Variants in ATP11B observed in about 807,000 individuals in gnomAD.
The protein encoded by ATP11B is phospholipid-transporting ATPase IF.
A neutral mutation model predicts 157.8 loss-of-function variants in ATP11B; 81 were observed. The ratio of observed to expected loss-of-function variants is 0.51; its 90% CI spans 0.43 to 0.62. The LOEUF (loss-of-function observed/expected upper bound fraction) is 0.62. Ranked by LOEUF, ATP11B falls within the 20% of genes least tolerant of loss-of-function variation. The probability of loss-of-function intolerance (pLI) is 0.00; values close to 1 mark genes in which losing one functional copy is unlikely to be tolerated. For missense variants in ATP11B, 1,165 were observed against 1,402.2 expected, an observed-to-expected ratio of 0.83 and a Z score of 2.70; for synonymous variants, 451 against 469.4, an observed-to-expected ratio of 0.96 and a Z score of 0.51.
At chr3:182,883,681 C>A (rs553903583) in intron 21 of ATP11B, among the ~76,000 whole-genome samples, 2 of 150,558 alleles carry the variant, frequency 1.3e-5, no homozygotes, top group South Asian at 4.3e-4. Flanking sequence ...CTAGGCCGGG[C>A]GCGGTGGCTC....
intron 25 of ATP11B, among the ~76,000 whole-genome samples, chr3:182,890,508 A>T (rs902397981): frequency 5.3e-5 from 8 of 152,220 alleles, no homozygotes; most frequent in African/African-American, 1.9e-4. Flanking sequence ...AAGTAAACTA[A>T]TAACAAAATA....
rs74420464 is a variant in ATP11B, at chr3:182,911,961, G to T, written c.3319-1900G>T. Among the ~76,000 whole-genome samples the T allele has an allele frequency of 4.1e-3, 626 of 152,256 alleles. 7 individuals carry two copies. Among genetic ancestry groups the T allele is most frequent in the African/African-American group, 0.015 (603 of 41,536 alleles). On this transcript the variant is annotated intron_variant, in intron 28 of 29. Transcript: ENST00000323116. ...GCAGGCCCCGACACGTTGCCCACAGGCAGGGAACATTGGTTGGCTGGAGTG... is the reference window on the plus strand; with the variant it reads ...GCAGGCCCCGACACGTTGCCCACAGTCAGGGAACATTGGTTGGCTGGAGTG...
chr3:182,827,173 T>C (rs1478705378), intron 2 of ATP11B, among the ~76,000 whole-genome samples: 1 of 152,146 alleles, frequency 6.6e-6, no homozygotes, highest in African/African-American at 2.4e-5. Context: ...ATTCTATAAA[T>C]CAATTTCCCT....
intron 20 of ATP11B, among the ~76,000 whole-genome samples, chr3:182,880,134 G>C (rs1353722058): frequency 6.6e-6 from 1 of 152,154 alleles, no homozygotes; most frequent in Non-Finnish European, 1.5e-5. Context: ...TTAAATTTCA[G>C]CTACCTATGT....
intron 1 of ATP11B, among the ~76,000 whole-genome samples, chr3:182,809,405 C>A (rs1175032057): frequency 1.3e-5 from 2 of 152,080 alleles, no homozygotes; most frequent in Admixed American, 1.3e-4. Flanking sequence ...TGCTCCACCA[C>A]GCCTGGCTAA....
intron 10 of ATP11B, among the ~76,000 whole-genome samples, chr3:182,855,738 AT>A (rs1395943386): frequency 6.6e-6 from 1 of 152,202 alleles, no homozygotes; most frequent in Non-Finnish European, 1.5e-5. Context: ...CACCACATGC[AT>A]AATACATATT....
At chr3:182,822,966 A>AT (rs758541154) in intron 2 of ATP11B, among the ~76,000 whole-genome samples, 50 of 150,986 alleles carry the variant, frequency 3.3e-4, no homozygotes, top group Admixed American at 1.1e-3. Context: ...GATGGGATTG[A>AT]TTTTTTCTTG....
chr3:182,834,710 A>C (rs940956521), intron 4 of ATP11B, among the ~76,000 whole-genome samples: 2 of 152,234 alleles, frequency 1.3e-5, no homozygotes, highest in Admixed American at 1.3e-4. Flanking sequence ...TCTTTGTGAA[A>C]TGCTTGTGTC....
intron 6 of ATP11B, 46 bp from the exon 7 acceptor site, chr3:182,837,025 C>A: frequency 7.1e-7 from 1 of 1,399,334 alleles, no homozygotes; most frequent in Non-Finnish European, 1.0e-6. Flanking sequence ...TATTGAAGGT[C>A]GCAATTTGGA....
chr3:182,892,108 A>T (rs1366350223), intron 25 of ATP11B, among the ~76,000 whole-genome samples: 1 of 152,128 alleles, frequency 6.6e-6, no homozygotes, highest in African/African-American at 2.4e-5. Context: ...TGTGAAAATC[A>T]CCTTGCTGGC....
intron 10 of ATP11B, among the ~76,000 whole-genome samples, chr3:182,852,098 G>A (rs1317014445): frequency 6.6e-6 from 1 of 152,078 alleles, no homozygotes; most frequent in African/African-American, 2.4e-5. Context: ...TGACAATGAG[G>A]GAATTGGATT....
chr3:182,796,564 A>G (rs975072856), intron 1 of ATP11B, among the ~76,000 whole-genome samples: 1 of 152,226 alleles, frequency 6.6e-6, no homozygotes. Context: ...AGAAAATTCT[A>G]TTGGACAGCA....
At chr3:182,873,723 AG>A in intron 18 of ATP11B, 88 bp from the exon 19 acceptor site, 1 of 1,093,074 alleles carries the variant, frequency 9.1e-7, no homozygotes, top group Non-Finnish European at 1.3e-6. Context: ...CAAAGAGTTT[AG>A]AATTATCCTT....
chr3:182,875,614 T>C (rs1193869441), intron 19 of ATP11B, among the ~76,000 whole-genome samples: 4 of 152,196 alleles, frequency 2.6e-5, no homozygotes, highest in Non-Finnish European at 5.9e-5. Flanking sequence ...GCTAATTTTG[T>C]ATTTTTAGTA....
chr3:182,918,208 C>A lies in ATP11B; in HGVS notation c.*104C>A. 3 of 1,526,212 alleles carry A rather than the reference C, an allele frequency of 2.0e-6. No homozygotes were observed. Among genetic ancestry groups the A allele is most frequent in the Non-Finnish European group, 2.7e-6 (3 of 1,129,454 alleles). The allele number at this position is 1,526,212 out of a possible 1,614,324, so 94.5% of individuals were successfully genotyped here. On this transcript the variant is annotated 3_prime_UTR_variant, in exon 30 of 30. Transcript: ENST00000323116. ...TAGCTCTGAAATTAATTTCCAAAATCTTTGTAGTAGTTCATACCCACTCAG... is the reference window on the plus strand; with the variant it reads ...TAGCTCTGAAATTAATTTCCAAAATATTTGTAGTAGTTCATACCCACTCAG...
chr3:182,835,907 A>G (rs1718512390), intron 4 of ATP11B, 128 bp from the exon 5 acceptor site: 1 of 626,646 alleles, frequency 1.6e-6, no homozygotes, highest in Admixed American at 3.2e-5. Flanking sequence ...GAGCATGTGC[A>G]TCCAAATAGC....
At chr3:182,895,735 A>G (rs1723501528) in intron 25 of ATP11B, among the ~76,000 whole-genome samples, 1 of 152,114 alleles carries the variant, frequency 6.6e-6, no homozygotes, top group African/African-American at 2.4e-5. Flanking sequence ...GGCTGCTTAC[A>G]GGCTAGGGTA....
chr3:182,871,228 T>G (rs1427722050), intron 17 of ATP11B, among the ~76,000 whole-genome samples: 3 of 149,498 alleles, frequency 2.0e-5, no homozygotes, highest in Non-Finnish European at 4.5e-5. Context: ...AGCCCAGGAG[T>G]TCAAGGCTAT....
chr3:182,848,348 TAAAG>T (rs1324552706), intron 9 of ATP11B, 124 bp from the exon 10 acceptor site: 1 of 495,618 alleles, frequency 2.0e-6, no homozygotes, highest in Non-Finnish European at 3.2e-6. Context: ...TGAAAATACT[TAAAG>T]AAAAGCAAAA....
Sources: gnomAD v4.1 joint callset for allele counts (sites outside exome capture counted in the v4.1 genomes callset) on GRCh38, gnomAD v4.1.1 for gene constraint, MANE v1.5 for transcripts, NCBI Gene and HGNC (gene_info 2026-07-23, HGNC 2026-07-21) for gene names.